GGT1: variants seen among roughly 807,000 people sequenced by gnomAD.
GGT1 encodes gamma-glutamyltransferase 1.
GGT1 carries 21 observed loss-of-function variants against 56.0 expected under a neutral mutation model. The observed-to-expected ratio is 0.38, with a 90% CI of 0.27 to 0.54. GGT1 has a LOEUF of 0.54. Ranked by LOEUF, GGT1 falls within the 20% of genes least tolerant of loss-of-function variation. The pLI, the probability that GGT1 is intolerant of heterozygous loss-of-function variation, is 0.82. For missense variants in GGT1, 466 were observed against 787.0 expected, an observed-to-expected ratio of 0.59 and a Z score of 4.88; for synonymous variants, 238 against 342.6, an observed-to-expected ratio of 0.69 and a Z score of 3.37.
At chr22:24,584,791 G>A in the GGT1 span, among the ~76,000 whole-genome samples, 76 of 152,006 alleles carry the variant, frequency 5.0e-4, no homozygotes, top group African/African-American at 1.6e-3. Context: ...TATCCCCCCG[G>A]ACATCTCTAA....
At position 24,606,878 on chromosome 22, in the gene GGT1, G is replaced by A. The variant is rs1269176716; in HGVS notation, c.-428-1076G>A. On this transcript the variant is annotated intron_variant, in intron 1 of 15. Coordinates refer to ENST00000400382, the MANE Select transcript of GGT1 (RefSeq NM_001288833.2). ...CAGGTGGAGGCTGCAGGGGCTCTCC[G>A]GCACCGTAGACACAGCAGGCCCAGG... Among the ~76,000 whole-genome samples the A allele has an allele frequency of 3.3e-5, 5 of 151,796 alleles. No individual in the cohort carries two copies. In the East Asian group the frequency reaches 7.7e-4, roughly 23 times the overall value.
chr22:24,607,696 G>A (rs1601665174), intron 1 of GGT1: 2 of 250,778 alleles, frequency 8.0e-6, no homozygotes, highest in African/African-American at 4.6e-5. Flanking sequence ...TGTCCGCCGG[G>A]GCTGCTGGGC....
chr22:24,590,128 C>CT (rs1226597353), upstream of GGT1, among the ~76,000 whole-genome samples: 4 of 152,138 alleles, frequency 2.6e-5, no homozygotes, highest in Non-Finnish European at 5.9e-5. Flanking sequence ...TGGCCCCCTT[C>CT]TTTTTTTGCT....
the GGT1 span, among the ~76,000 whole-genome samples, chr22:24,587,200 T>C: frequency 6.6e-6 from 1 of 152,130 alleles, no homozygotes; most frequent in African/African-American, 2.4e-5. Flanking sequence ...TATTAGGCTG[T>C]ACAGGGCACC....
In GGT1 at chr22:24,605,089, T is replaced by A. The variant is rs1287425618; in HGVS notation, c.-429+1562T>A. On this transcript the variant is annotated intron_variant, in intron 1 of 15. Coordinates refer to ENST00000400382, the MANE Select transcript of GGT1 (RefSeq NM_001288833.2). ...GTAATATATAATATATAAAGTATAT[T>A]ATATAATATGTATTATATTATATAT... Among the ~76,000 whole-genome samples, 2 of 24,472 alleles carry A rather than the reference T, an allele frequency of 8.2e-5. 1 individual carries two copies. Among genetic ancestry groups the A allele is most frequent in the Non-Finnish European group, 1.2e-4 (2 of 16,400 alleles). 16.1% of individuals were successfully genotyped at this position (24,472 alleles called of 152,430 possible).
chr22:24,611,542 TCATCTATCTATCTATC>T (rs2046670005), intron 5 of GGT1, among the ~76,000 whole-genome samples: 1 of 38,134 alleles, frequency 2.6e-5, no homozygotes, highest in African/African-American at 1.5e-4. Context: ...TATCTATCTA[TCATCTATCTATCTATC>T]TATCTATCTA....
chr22:24,607,301 G>A (rs1442931931), intron 1 of GGT1, among the ~76,000 whole-genome samples: 5 of 152,020 alleles, frequency 3.3e-5, no homozygotes, highest in Non-Finnish European at 4.4e-5. Context: ...GCTGGGTTCT[G>A]GTCTAGTGCC....
intron 9 of GGT1, among the ~76,000 whole-genome samples, chr22:24,622,472 G>A (rs2047485953): frequency 6.6e-6 from 1 of 152,174 alleles, no homozygotes; most frequent in Non-Finnish European, 1.5e-5. Flanking sequence ...GCTGAGGCAG[G>A]AGAATGGCGT....
chr22:24,603,554 C>T (rs184746518), intron 1 of GGT1, 27 bp downstream of exon 1: 11 of 152,324 alleles, frequency 7.2e-5, no homozygotes, highest in Admixed American at 7.2e-4. Context: ...GTTCTTTATC[C>T]GACTGGGTCT....
chr22:24,617,515 C>G (rs551912894), intron 7 of GGT1, among the ~76,000 whole-genome samples: 2 of 151,956 alleles, frequency 1.3e-5, no homozygotes, highest in African/African-American at 4.8e-5. Context: ...AAGTGGCTGA[C>G]GCTGGACAGA....
chr22:24,611,843 G>C (rs1462364642), intron 5 of GGT1, among the ~76,000 whole-genome samples: 2 of 146,438 alleles, frequency 1.4e-5, no homozygotes, highest in Non-Finnish European at 3.0e-5. Context: ...GTATCGCTCT[G>C]TTACCCAGGC....
intron 5 of GGT1, among the ~76,000 whole-genome samples, chr22:24,612,989 C>T (rs1033447310): frequency 1.3e-5 from 2 of 152,150 alleles, no homozygotes; most frequent in African/African-American, 4.8e-5. Context: ...TGGTGCCTGG[C>T]TTCTACTGTT....
At chr22:24,589,492 T>C in the GGT1 span, 3 of 580,440 alleles carry the variant, frequency 5.2e-6, no homozygotes, top group East Asian at 2.8e-4. Context: ...CTCAGAACAG[T>C]CTGTGACCCG....
At chr22:24,593,140 T>A (rs1232314195), upstream of GGT1, 2 of 991,768 alleles carry the variant, frequency 2.0e-6, no homozygotes, top group East Asian at 2.2e-4. Context: ...ACCGCGGCCC[T>A]GCCCCGTCCG....
chr22:24,628,094 C>T lies in GGT1; in HGVS notation c.1350C>T (p.Leu450=). The T allele has an allele frequency of 6.2e-7, 1 of 1,611,970 alleles. No homozygotes were observed. Among genetic ancestry groups the T allele is most frequent in the South Asian group, 1.1e-5 (1 of 90,994 alleles). ...CATCGGCCGCAGGGAAGCAGCCGCTCTCGTCCATGTGCCCGACGATCATGG... is the reference window on the plus strand; with the variant it reads ...CATCGGCCGCAGGGAAGCAGCCGCTTTCGTCCATGTGCCCGACGATCATGG... ...ANFIQPGKQP[L]SSMCPTIMVG... Residue 450 remains leucine, a synonymous_variant, in exon 14 of 16, where the codon CTC becomes CTT. Coordinates refer to ENST00000400382, the MANE Select transcript of GGT1 (RefSeq NM_001288833.2). The surrounding 1 kb of genome is among the most constrained non-coding windows in gnomAD (Gnocchi z 5.7).
the GGT1 span, chr22:24,588,657 T>C: frequency 8.8e-7 from 1 of 1,136,470 alleles, no homozygotes. Context: ...CTGCCCACCC[T>C]CAGCACCCTT....
chr22:24,611,881 A>G (rs1402574573), intron 5 of GGT1, among the ~76,000 whole-genome samples: 1 of 151,470 alleles, frequency 6.6e-6, no homozygotes, highest in South Asian at 2.1e-4. Context: ...ATCTTGGCTT[A>G]CTGCAACCTC....
At chr22:24,606,525 T>C (rs1479930634) in intron 1 of GGT1, among the ~76,000 whole-genome samples, 3 of 152,212 alleles carry the variant, frequency 2.0e-5, no homozygotes, top group African/African-American at 7.2e-5. Context: ...TCCCCTGATG[T>C]TCCTGTTGGC....
the GGT1 span, among the ~76,000 whole-genome samples, chr22:24,587,118 GT>G: frequency 5.2e-3 from 796 of 152,264 alleles, 7 homozygotes; most frequent in African/African-American, 0.018. Flanking sequence ...GAGCCCACAT[GT>G]TTTTTTCCCT....
Sources: gnomAD v4.1 joint callset for allele counts (sites outside exome capture counted in the v4.1 genomes callset) on GRCh38, gnomAD v4.1.1 for gene constraint, Gnocchi (gnomAD v3.1) non-coding constraint, MANE v1.5 for transcripts, NCBI Gene and HGNC (gene_info 2026-07-23, HGNC 2026-07-21) for gene names.